DPP10: variants seen among roughly 807,000 people sequenced by gnomAD.
DPP10 encodes dipeptidyl peptidase like 10.
DPP10 carries 33 observed loss-of-function variants against 120.9 expected under a neutral mutation model. The observed-to-expected ratio is 0.27, with a 90% CI of 0.21 to 0.37. DPP10 has a LOEUF of 0.37. Among genes scored for constraint, DPP10 ranks in the 10% least tolerant of loss-of-function variants. DPP10 has a pLI of 1.00. For synonymous variants in DPP10, 337 were observed against 326.1 expected (o/e 1.03, Z -0.36); for missense variants, 816 against 942.8 (o/e 0.87, Z 1.76).
chr2:114,786,679 G>A (rs961173774), intron 1 of DPP10, among the ~76,000 whole-genome samples: 6 of 152,260 alleles, frequency 3.9e-5, no homozygotes, highest in South Asian at 2.1e-4. Flanking sequence ...TGTTTTAATC[G>A]TATTAAAAGT....
chr2:115,064,574 CACATATTTCGGTTGG>C, intron 1 of DPP10: 1 of 1,122,334 alleles, frequency 8.9e-7, no homozygotes, highest in African/African-American at 1.6e-5. Context: ...CCCCTACACA[CACATATTTCGGTTGG>C]ACATAGGTGG....
At chr2:115,836,814 C>A in intron 24 of DPP10, 68 bp downstream of exon 24, 1 of 1,452,212 alleles carries the variant, frequency 6.9e-7, no homozygotes, top group Non-Finnish European at 9.4e-7. Context: ...CATCTAAGGA[C>A]TTGCTTACAG....
chr2:114,618,304 C>T (rs193120497), intron 1 of DPP10, among the ~76,000 whole-genome samples: 12 of 151,838 alleles, frequency 7.9e-5, no homozygotes, highest in African/African-American at 2.9e-4. Flanking sequence ...GTAAATGTTT[C>T]CAAAGGAAAA....
intron 1 of DPP10, among the ~76,000 whole-genome samples, chr2:114,556,790 G>A (rs1345321910): frequency 6.6e-6 from 1 of 152,126 alleles, no homozygotes; most frequent in East Asian, 1.9e-4. Flanking sequence ...GATTTTGACA[G>A]AGGAAGAAAA....
At chr2:115,707,460 A>ACT (rs1318942744) in intron 7 of DPP10, among the ~76,000 whole-genome samples, 2 of 140,536 alleles carry the variant, frequency 1.4e-5, no homozygotes, top group African/African-American at 5.8e-5. Context: ...ACACACACAC[A>ACT]CACTCTCTCC....
intron 2 of DPP10, among the ~76,000 whole-genome samples, chr2:115,341,827 A>T (rs985300728): frequency 5.3e-5 from 8 of 151,904 alleles, no homozygotes; most frequent in African/African-American, 1.9e-4. Context: ...AAATGTATCT[A>T]TTTAGCCATT....
At chr2:115,286,540 T>TATATATATATATATATATATATATAA (rs1559367032) in intron 1 of DPP10, among the ~76,000 whole-genome samples, 3 of 107,342 alleles carry the variant, frequency 2.8e-5, no homozygotes, top group Non-Finnish European at 5.8e-5. Context: ...TATATATATA[T>TATATATATATATATATATATATATAA]AAAATATATA....
At chr2:115,795,497 T>G (rs1684436616) in intron 19 of DPP10, among the ~76,000 whole-genome samples, 1 of 152,172 alleles carries the variant, frequency 6.6e-6, no homozygotes, top group Non-Finnish European at 1.5e-5. Flanking sequence ...TCCTGGAGCT[T>G]TCTTCCATTC....
chr2:115,700,899 C>A (rs1223174091), intron 7 of DPP10, among the ~76,000 whole-genome samples: 2 of 151,934 alleles, frequency 1.3e-5, no homozygotes, highest in African/African-American at 4.8e-5. Flanking sequence ...ATGAAAGACT[C>A]ATACAATGAA....
chr2:115,788,393 T>A (rs1683574048), intron 17 of DPP10, among the ~76,000 whole-genome samples: 1 of 152,074 alleles, frequency 6.6e-6, no homozygotes, highest in Non-Finnish European at 1.5e-5. Flanking sequence ...AGAAGGAGAT[T>A]GAAAAATGAC....
intron 1 of DPP10, among the ~76,000 whole-genome samples, chr2:115,038,257 AT>A (rs1704366246): frequency 6.8e-6 from 1 of 146,028 alleles, no homozygotes; most frequent in Non-Finnish European, 1.5e-5. Context: ...TTTATTTATT[AT>A]TTTATTTATT....
At chr2:114,903,637 G>T (rs1157578336) in intron 1 of DPP10, among the ~76,000 whole-genome samples, 1 of 152,164 alleles carries the variant, frequency 6.6e-6, no homozygotes, top group East Asian at 1.9e-4. Flanking sequence ...AATTTGGGGA[G>T]AATTGTGACC....
chr2:115,397,473 C>T (rs1343796805), intron 3 of DPP10, among the ~76,000 whole-genome samples: 1 of 152,082 alleles, frequency 6.6e-6, no homozygotes, highest in Non-Finnish European at 1.5e-5. Context: ...TTATAAGGGA[C>T]TAGAGTTATA....
chr2:115,768,627 T>A (rs1681084615), intron 13 of DPP10, among the ~76,000 whole-genome samples: 1 of 152,170 alleles, frequency 6.6e-6, no homozygotes, highest in Non-Finnish European at 1.5e-5. Flanking sequence ...GAGTTACATG[T>A]GTGTCCTATG....
intron 1 of DPP10, among the ~76,000 whole-genome samples, chr2:114,562,012 G>A (rs1688805510): frequency 6.6e-6 from 1 of 152,218 alleles, no homozygotes; most frequent in Admixed American, 6.5e-5. Context: ...ATTTTGAGGA[G>A]AGTGATAAAC....
At chr2:115,360,254 G>T (rs1003875705) in intron 3 of DPP10, among the ~76,000 whole-genome samples, 4 of 152,172 alleles carry the variant, frequency 2.6e-5, no homozygotes, top group African/African-American at 9.7e-5. Flanking sequence ...TCTTTCAGAA[G>T]TTGCTGTCAT....
chr2:115,689,843 A>T lies in DPP10; in HGVS notation c.498A>T (p.Glu166Asp). ...AAAATATTCACATTTTTTCAAGGGAAGTTTGGGAGTTAAATCCTCCAGAAG... is the reference window on the plus strand; with the variant it reads ...AAAATATTCACATTTTTTCAAGGGATGTTTGGGAGTTAAATCCTCCAGAAG... ...SYVIYNIHTR[E>D]VWELNPPEVE... Residue 166 changes from glutamate (E) to aspartate (D), a missense_variant, in exon 7 of 26, where the codon GAA becomes GAT. Physicochemically the swap from Glu to Asp is conservative, Grantham distance 45 (BLOSUM62 2). Transcript: ENST00000410059. The T allele has an allele frequency of 6.2e-7, 1 of 1,613,784 alleles. No individual in the cohort carries two copies. The highest frequency in any genetic ancestry group is 8.5e-7 in the Non-Finnish European group (1 of 1,179,914).
rs182440255 is a variant in DPP10, at chr2:115,628,725, T to A, written c.442-60962T>A. ...TGTAAGGAGGGGTTCAGTTTCAATT[T>A]TCTACATGTGGCTAGCCAGTTCTCC... is the stretch of plus-strand genomic sequence containing the variant. On this transcript the variant is annotated intron_variant, in intron 5 of 25. Transcript: ENST00000410059. Among the ~76,000 whole-genome samples the A allele has an allele frequency of 1.3e-4, 20 of 152,220 alleles. 1 individual carries two copies. In the East Asian group the frequency reaches 3.9e-3, roughly 29 times the overall value.
At chr2:114,678,836 A>G (rs1698833883) in intron 1 of DPP10, among the ~76,000 whole-genome samples, 1 of 152,078 alleles carries the variant, frequency 6.6e-6, no homozygotes, top group South Asian at 2.1e-4. Flanking sequence ...TCTCAAATTT[A>G]TCATCATGAT....
Sources: allele counts gnomAD v4.1 joint callset (sites outside exome capture counted in the v4.1 genomes callset), GRCh38; gene constraint gnomAD v4.1.1; transcripts MANE v1.5; gene names NCBI Gene and HGNC (gene_info 2026-07-23, HGNC 2026-07-21).